The following COL19A1 variants were observed in gnomAD, a reference collection of about 807,000 sequenced individuals.
COL19A1 encodes collagen type XIX alpha 1 chain.
Under a neutral mutation model 190.2 loss-of-function variants are expected in COL19A1, and 159 were observed. The ratio of observed to expected loss-of-function variants is 0.84; its 90% CI spans 0.73 to 0.95. The LOEUF is 0.95. Ranked by LOEUF, COL19A1 falls within the 40% of genes least tolerant of loss-of-function variation. The pLI is 0.00. For missense variants in COL19A1, 1,418 were observed against 1,431.9 expected, an observed-to-expected ratio of 0.99 and a Z score of 0.16; for synonymous variants, 509 against 458.9, an observed-to-expected ratio of 1.11 and a Z score of -1.39.
At position 70,156,141 on chromosome 6, in the gene COL19A1, C is replaced by T. The variant is rs1787417732; in HGVS notation, c.2094C>T (p.Asn698=). ...IGALLKNFCG[N]CQASVPGLKS... ...ATACTCATTAGAATTTCTGTGGCAA[C>T]TGCCAAGCCAGTGTCCCAGGGCTGA... The change falls in exon 32 of 51, where the codon AAC becomes AAT. Residue 698 remains asparagine (N), a synonymous_variant. Coordinates refer to ENST00000620364, the MANE Select transcript of COL19A1 (RefSeq NM_001858.6). 2 of 1,612,810 alleles carry T rather than the reference C, an allele frequency of 1.2e-6. No homozygotes were observed. The highest frequency in any genetic ancestry group is 2.7e-5 in the African/African-American group (2 of 74,834).
intron 15 of COL19A1, among the ~76,000 whole-genome samples, chr6:70,086,588 C>A (rs1341707532): frequency 6.6e-6 from 1 of 152,130 alleles, no homozygotes; most frequent in African/African-American, 2.4e-5. Flanking sequence ...TACATATCTG[C>A]ATTTTAAAAC....
At chr6:70,057,942 C>A (rs139006448) in intron 14 of COL19A1, among the ~76,000 whole-genome samples, 3 of 152,078 alleles carry the variant, frequency 2.0e-5, no homozygotes, top group African/African-American at 7.2e-5. Flanking sequence ...GGATAATATG[C>A]AGTATGGAAA....
At chr6:70,139,785 G>C (rs1176009291) in intron 19 of COL19A1, among the ~76,000 whole-genome samples, 1 of 151,984 alleles carries the variant, frequency 6.6e-6, no homozygotes, top group Non-Finnish European at 1.5e-5. Flanking sequence ...ATATACTTAA[G>C]ATCACCTAGT....
At chr6:70,143,506 G>C (rs1048949083) in intron 23 of COL19A1, among the ~76,000 whole-genome samples, 1 of 152,102 alleles carries the variant, frequency 6.6e-6, no homozygotes, top group Non-Finnish European at 1.5e-5. Context: ...ATCTGACTAT[G>C]ATTAGAGTTC....
chr6:70,105,835 T>G (rs1783923956), intron 16 of COL19A1, among the ~76,000 whole-genome samples: 1 of 152,192 alleles, frequency 6.6e-6, no homozygotes. Flanking sequence ...AAATTTTAAT[T>G]TTGTCTCTTG....
At chr6:70,190,786 C>T (rs547971116) in intron 48 of COL19A1, among the ~76,000 whole-genome samples, 30 of 152,196 alleles carry the variant, frequency 2.0e-4, no homozygotes, top group African/African-American at 6.7e-4. Flanking sequence ...ATATTTTGAC[C>T]AATGCAGAGT....
intron 9 of COL19A1, among the ~76,000 whole-genome samples, chr6:69,956,328 T>C (rs887949216): frequency 1.3e-5 from 2 of 151,934 alleles, no homozygotes; most frequent in African/African-American, 2.4e-5. Context: ...ATTAGCCGCA[T>C]TAAGGATCCA....
At chr6:70,141,954 C>T (rs753535538) in intron 21 of COL19A1, 26 bp downstream of exon 21, 2 of 1,608,770 alleles carry the variant, frequency 1.2e-6, no homozygotes, top group Non-Finnish European at 8.5e-7. Flanking sequence ...TCTTCAATTT[C>T]CTCTCCAACC....
At chr6:69,926,219 G>A (rs1003775491) in intron 4 of COL19A1, among the ~76,000 whole-genome samples, 1 of 152,026 alleles carries the variant, frequency 6.6e-6, no homozygotes, top group Non-Finnish European at 1.5e-5. Flanking sequence ...TATTGGCTGT[G>A]GTCTTTTCAA....
chr6:70,034,376 C>A, intron 13 of COL19A1, 78 bp downstream of exon 13: 1 of 1,008,772 alleles, frequency 9.9e-7, no homozygotes, highest in Non-Finnish European at 1.6e-6. Context: ...CTCATTGATA[C>A]TGTTTATCTC....
rs543472689 is a variant in COL19A1, at chr6:70,070,454, C to A, written c.1224+1978C>A. 7.9e-5 allele frequency among the ~76,000 whole-genome samples: 12 copies of A among 152,190 alleles called. 1 individual carries two copies. In the South Asian group the frequency reaches 2.5e-3, roughly 32 times the overall value. On this transcript the variant is annotated intron_variant, in intron 15 of 50. Transcript: ENST00000620364. ...AAAAATGTAATAGAACTTATAGACACTTTTAGGCATAGTTCGTCATTATTG... is the reference window on the plus strand; with the variant it reads ...AAAAATGTAATAGAACTTATAGACAATTTTAGGCATAGTTCGTCATTATTG...
chr6:70,089,006 C>G (rs1367985020), intron 15 of COL19A1, among the ~76,000 whole-genome samples: 1 of 152,146 alleles, frequency 6.6e-6, no homozygotes, highest in Non-Finnish European at 1.5e-5. Flanking sequence ...GCTCAAACAT[C>G]TAAATGAACG....
chr6:69,909,556 G>T (rs1770770722), intron 4 of COL19A1, among the ~76,000 whole-genome samples: 1 of 152,086 alleles, frequency 6.6e-6, no homozygotes, highest in African/African-American at 2.4e-5. Flanking sequence ...GTTCTGGGGA[G>T]AAGAAAGACA....
intron 7 of COL19A1, 113 bp from the exon 8 acceptor site, chr6:69,936,672 A>G (rs1773131906): frequency 7.3e-7 from 1 of 1,362,390 alleles, no homozygotes; most frequent in Non-Finnish European, 1.0e-6. Context: ...GGTTAGTAAG[A>G]AGCAGTTCTT....
intron 49 of COL19A1, among the ~76,000 whole-genome samples, chr6:70,200,864 A>G (rs1014192608): frequency 6.6e-6 from 1 of 152,214 alleles, no homozygotes; most frequent in Non-Finnish European, 1.5e-5. Context: ...AATTAGCACA[A>G]TATAAAACAG....
At chr6:70,128,545 G>A (rs1398863291) in intron 17 of COL19A1, among the ~76,000 whole-genome samples, 1 of 152,156 alleles carries the variant, frequency 6.6e-6, no homozygotes, top group Non-Finnish European at 1.5e-5. Context: ...ACATTAGAGG[G>A]CCACATCAGT....
At chr6:70,083,455 G>T in intron 15 of COL19A1, among the ~76,000 whole-genome samples, 1 of 151,500 alleles carries the variant, frequency 6.6e-6, no homozygotes. Context: ...TTTTTTTCTA[G>T]CAATTCAGCT....
intron 2 of COL19A1, among the ~76,000 whole-genome samples, chr6:69,887,044 AT>A (rs1312172600): frequency 2.4e-4 from 37 of 152,238 alleles, no homozygotes; most frequent in African/African-American, 8.9e-4. Context: ...AAAGACTTTA[AT>A]AAATGTTGCT....
intron 4 of COL19A1, among the ~76,000 whole-genome samples, chr6:69,908,213 A>G (rs1344113317): frequency 6.6e-6 from 1 of 152,238 alleles, no homozygotes; most frequent in East Asian, 1.9e-4. Context: ...AAACTTGTTC[A>G]GAACTCTGAT....
Sources: allele counts gnomAD v4.1 joint callset (sites outside exome capture counted in the v4.1 genomes callset), GRCh38; gene constraint gnomAD v4.1.1; transcripts MANE v1.5; gene names NCBI Gene and HGNC (gene_info 2026-07-23, HGNC 2026-07-21).